Variants in TBC1D9 observed in about 807,000 individuals in gnomAD.
The protein encoded by TBC1D9 is TBC1 domain family member 9, also known as TBC1 domain family member 9A.
TBC1D9 carries 63 observed loss-of-function variants against 132.0 expected under a neutral mutation model. The ratio of observed to expected loss-of-function variants is 0.48; its 90% CI spans 0.39 to 0.59. The LOEUF is 0.59. Ranked by LOEUF, TBC1D9 falls within the 20% of genes least tolerant of loss-of-function variation. The pLI, the probability that TBC1D9 is intolerant of heterozygous loss-of-function variation, is 0.00. For missense variants in TBC1D9, 1,261 were observed against 1,592.7 expected, an observed-to-expected ratio of 0.79 and a Z score of 3.54; for synonymous variants, 610 against 609.9, an observed-to-expected ratio of 1.00 and a Z score of 0.00.
At chr4:140,661,798 T>C in intron 10 of TBC1D9, 95 bp downstream of exon 10, 1 of 1,059,962 alleles carries the variant, frequency 9.4e-7, no homozygotes, top group Non-Finnish European at 1.4e-6. Context: ...AAAGTGATAG[T>C]TCTGTTAACC....
chr4:140,745,134 G>GTT (rs1449083340), intron 1 of TBC1D9, among the ~76,000 whole-genome samples: 2 of 152,064 alleles, frequency 1.3e-5, no homozygotes, highest in Non-Finnish European at 2.9e-5. Flanking sequence ...ATATACTGAT[G>GTT]TCTTATGTCC....
intron 18 of TBC1D9, 30 bp from the exon 19 acceptor site, chr4:140,624,418 T>C: frequency 6.5e-7 from 1 of 1,542,716 alleles, no homozygotes; most frequent in Non-Finnish European, 8.9e-7. Context: ...AAGAAAAAAG[T>C]AGAATGTTAT....
intron 16 of TBC1D9, among the ~76,000 whole-genome samples, chr4:140,632,578 A>T (rs1560866462): frequency 6.6e-6 from 1 of 152,168 alleles, no homozygotes; most frequent in Non-Finnish European, 1.5e-5. Flanking sequence ...TCAGTTCAAT[A>T]ACAGATATTT....
intron 2 of TBC1D9, 90 bp from the exon 3 acceptor site, chr4:140,686,552 T>C (rs1329878455): frequency 2.5e-6 from 2 of 787,822 alleles, no homozygotes; most frequent in African/African-American, 1.7e-5. Context: ...GTCTATACCA[T>C]CAAAGGAGAC....
At chr4:140,708,323 ATATCT>A (rs1430781476) in intron 1 of TBC1D9, among the ~76,000 whole-genome samples, 1 of 152,244 alleles carries the variant, frequency 6.6e-6, no homozygotes, top group Non-Finnish European at 1.5e-5. Flanking sequence ...AACCAAACTC[ATATCT>A]GAAACTGCTT....
At chr4:140,662,786 T>C (rs1358033825) in intron 9 of TBC1D9, among the ~76,000 whole-genome samples, 1 of 152,218 alleles carries the variant, frequency 6.6e-6, no homozygotes, top group African/African-American at 2.4e-5. Flanking sequence ...AGAAAAACCC[T>C]ATATGCAAGT....
At chr4:140,686,103 T>C (rs1365955888) in intron 3 of TBC1D9, among the ~76,000 whole-genome samples, 1 of 151,992 alleles carries the variant, frequency 6.6e-6, no homozygotes, top group African/African-American at 2.4e-5. Flanking sequence ...CCCAGAAATA[T>C]GTAAAATATC....
chr4:140,651,193 G>T (rs1184801246), intron 13 of TBC1D9, among the ~76,000 whole-genome samples: 2 of 152,200 alleles, frequency 1.3e-5, no homozygotes, highest in African/African-American at 2.4e-5. Flanking sequence ...ACCTGGCTAG[G>T]CACAGTGGCT....
rs1041310023 is a variant in TBC1D9, at chr4:140,622,165, T to C, written c.*30A>G. 2 of 1,528,688 alleles carry C rather than the reference T, an allele frequency of 1.3e-6. No individual in the cohort carries two copies. Among genetic ancestry groups the C allele is most frequent in the African/African-American group, 2.8e-5 (2 of 72,602 alleles). The allele number at this position is 1,528,688 out of a possible 1,614,324, so 94.7% of individuals were successfully genotyped here. On this transcript the variant is annotated 3_prime_UTR_variant, in exon 21 of 21. Coordinates refer to ENST00000442267, the MANE Select transcript of TBC1D9 (RefSeq NM_015130.3). ...ACATAAAAAATCCCTCCCCTCCCTC[T>C]CCTCCCACTCCCCCGGGAAGGCGCC...
chr4:140,738,284 C>G (rs1738707203), intron 1 of TBC1D9, among the ~76,000 whole-genome samples: 2 of 152,138 alleles, frequency 1.3e-5, no homozygotes, highest in African/African-American at 4.8e-5. Context: ...AAACAGATAG[C>G]TGTAATTTCA....
chr4:140,636,034 C>T (rs115750365), intron 15 of TBC1D9, among the ~76,000 whole-genome samples: 244 of 152,304 alleles, frequency 1.6e-3, no homozygotes, highest in African/African-American at 5.7e-3. Context: ...TCCTCCTAAG[C>T]ACCCCAAGTT....
rs963395648 is a variant in TBC1D9 at position 140,633,944 on chromosome 4, T to A, written c.2746+4A>T. 5 of 1,613,742 alleles carry A rather than the reference T, an allele frequency of 3.1e-6. No homozygotes were observed. The highest frequency in any genetic ancestry group is 4.2e-6 in the Non-Finnish European group (5 of 1,179,872). On this transcript the variant is annotated splice_donor_region_variant and intron_variant, in intron 16 of 20. Coordinates refer to ENST00000442267, the MANE Select transcript of TBC1D9 (RefSeq NM_015130.3). ...CAACTCATGCAATAGTACCACGTCCTTACTTAGCCCAGAGACAAACTCCCG... is the reference window on the plus strand; with the variant it reads ...CAACTCATGCAATAGTACCACGTCCATACTTAGCCCAGAGACAAACTCCCG...
intron 13 of TBC1D9, among the ~76,000 whole-genome samples, chr4:140,651,149 G>A (rs1300859482): frequency 6.6e-6 from 1 of 152,214 alleles, no homozygotes; most frequent in African/African-American, 2.4e-5. Context: ...GGAAGATGAA[G>A]AGGATAGAAA....
chr4:140,661,955 C>A lies in TBC1D9; in HGVS notation c.1741G>T (p.Ala581Ser). The change falls in exon 10 of 21, where the codon GCT becomes TCT. Residue 581 changes from alanine to serine, a missense_variant. This residue lies in a region of TBC1D9 where 93 missense variants were observed against 169.2 expected (regional missense o/e 0.55). Coordinates refer to ENST00000442267, the MANE Select transcript of TBC1D9 (RefSeq NM_015130.3). ...GCTGTTAAGACTCTCCTTAGTGCAG[C>A]AATGCCCATTTCATTCTGAAAAGCT... ...HPAFQNEMGI[A>S]ALRRVLTAYA... 1 of 1,614,016 alleles carries A rather than the reference C, an allele frequency of 6.2e-7. No homozygotes were observed. The highest frequency in any genetic ancestry group is 8.5e-7 in the Non-Finnish European group (1 of 1,179,900).
At chr4:140,671,371 A>G (rs547759515) in intron 6 of TBC1D9, among the ~76,000 whole-genome samples, 1 of 152,316 alleles carries the variant, frequency 6.6e-6, no homozygotes, top group East Asian at 1.9e-4. Context: ...TCCAAGGTTG[A>G]GAAACCTTGC....
At chr4:140,687,377 T>A (rs1260955825) in intron 2 of TBC1D9, among the ~76,000 whole-genome samples, 3 of 69,938 alleles carry the variant, frequency 4.3e-5, no homozygotes, top group African/African-American at 2.0e-4. Flanking sequence ...TATATATATA[T>A]ATATATATAT....
At position 140,643,456 on chromosome 4, in the gene TBC1D9, C is replaced by T; in HGVS notation, c.2338-4028G>A. ...GGCAGGAACTGCTCAGAGCTTGCCT[C>T]TTCCAGGTAGCAGGTGCTGCCGGGC... On this transcript the variant is annotated intron_variant, in intron 13 of 20. Transcript: ENST00000442267. The T allele has an allele frequency of 3.3e-6, 3 of 918,262 alleles. No individual in the cohort carries two copies. The South Asian group carries it at 4.1e-5, about 13-fold the overall frequency. 56.9% of individuals were successfully genotyped at this position (918,262 alleles called of 1,614,324 possible).
intron 2 of TBC1D9, among the ~76,000 whole-genome samples, chr4:140,698,355 C>T (rs1281899404): frequency 1.3e-5 from 2 of 152,210 alleles, no homozygotes; most frequent in Non-Finnish European, 2.9e-5. Context: ...TTTCCCGCAG[C>T]TCTAAACCTT....
At chr4:140,670,675 A>G in intron 7 of TBC1D9, 45 bp downstream of exon 7, 1 of 1,550,668 alleles carries the variant, frequency 6.4e-7, no homozygotes, top group South Asian at 1.1e-5. Context: ...ACTTGGGCAC[A>G]GGAACAGGAT....
Sources: allele counts gnomAD v4.1 joint callset (sites outside exome capture counted in the v4.1 genomes callset), GRCh38; gene constraint gnomAD v4.1.1; regional missense constraint gnomAD v4.1.1; transcripts MANE v1.5; gene names NCBI Gene and HGNC (gene_info 2026-07-23, HGNC 2026-07-21).